The following ARHGAP24 variants were observed in gnomAD, a reference collection of about 807,000 sequenced individuals.
The protein encoded by ARHGAP24 is rho GTPase-activating protein 24.
In ARHGAP24, 50 loss-of-function variants were observed where a neutral mutation model predicts 76.4. The observed-to-expected ratio is 0.65, with a 90% CI of 0.52 to 0.83. ARHGAP24 has a LOEUF of 0.83. Among genes scored for constraint, ARHGAP24 ranks in the 40% least tolerant of loss-of-function variants. The pLI is 0.00. For missense variants in ARHGAP24, 930 were observed against 914.2 expected, an observed-to-expected ratio of 1.02 and a Z score of -0.22; for synonymous variants, 345 against 323.3, an observed-to-expected ratio of 1.07 and a Z score of -0.72.
rs114469683 is a variant in ARHGAP24 at position 85,496,129 on chromosome 4, G to C, written c.-21+20570G>C. On this transcript the variant is annotated intron_variant, in intron 1 of 9. Transcript: ENST00000395184. ...AAGTTCTGTTTTCTTTTATACAAAT[G>C]CCAACATTTTTGTAACTTCTTGGCT... Among the ~76,000 whole-genome samples, 1,375 of 152,280 alleles carry C rather than the reference G, an allele frequency of 9.0e-3. 15 individuals carry two copies. Among genetic ancestry groups the C allele is most frequent in the Non-Finnish European group, 0.015 (1,014 of 68,020 alleles).
chr4:85,997,358 GAT>G (rs1396204667), intron 9 of ARHGAP24, among the ~76,000 whole-genome samples: 1 of 130,858 alleles, frequency 7.6e-6, no homozygotes, highest in African/African-American at 4.3e-5. Flanking sequence ...ATAGATAATA[GAT>G]AGATGATAGA....
In ARHGAP24 at chr4:85,734,636, A is replaced by ATTTTTTT. The variant is rs34647342; in HGVS notation, c.268+12681_268+12687dup. Reference sequence around the variant, plus strand: ...GCAGGGGCATGACATAATTCAGGGAATTTTTTTTTTTTTTTTTTTTTTTAG... The same window carrying ATTTTTTT: ...GCAGGGGCATGACATAATTCAGGGAATTTTTTTTTTTTTTTTTTTTTTTTTTTTTTAG... On this transcript the variant is annotated intron_variant, in intron 3 of 9. Coordinates refer to ENST00000395184, the MANE Select transcript of ARHGAP24 (RefSeq NM_001025616.3). Among the ~76,000 whole-genome samples the ATTTTTTT allele has an allele frequency of 5.3e-4, 54 of 101,938 alleles. 2 individuals are homozygous for ATTTTTTT. The highest frequency in any genetic ancestry group is 7.6e-4 in the Non-Finnish European group (40 of 52,826). 66.9% of individuals were successfully genotyped at this position (101,938 alleles called of 152,430 possible).
chr4:85,808,684 G>T (rs1250123627), intron 3 of ARHGAP24, among the ~76,000 whole-genome samples: 1 of 152,202 alleles, frequency 6.6e-6, no homozygotes, highest in African/African-American at 2.4e-5. Context: ...ATTAAAGAAA[G>T]TTGGTCCTGG....
At chr4:85,774,696 T>C (rs903139104) in intron 3 of ARHGAP24, among the ~76,000 whole-genome samples, 1 of 152,210 alleles carries the variant, frequency 6.6e-6, no homozygotes, top group Non-Finnish European at 1.5e-5. Context: ...CTTATGTAGA[T>C]ACAACTACTT....
At chr4:85,716,474 A>G (rs907466270) in intron 2 of ARHGAP24, among the ~76,000 whole-genome samples, 1 of 152,144 alleles carries the variant, frequency 6.6e-6, no homozygotes, top group Non-Finnish European at 1.5e-5. Context: ...AATTATTGTC[A>G]TGAAATTATT....
intron 5 of ARHGAP24, among the ~76,000 whole-genome samples, chr4:85,962,132 C>A (rs1302459942): frequency 1.3e-5 from 2 of 152,014 alleles, no homozygotes; most frequent in Non-Finnish European, 2.9e-5. Flanking sequence ...AGCCCTAGGT[C>A]CGACTGAAGC....
chr4:85,993,294 A>C (rs973084349), intron 8 of ARHGAP24, among the ~76,000 whole-genome samples: 1 of 152,038 alleles, frequency 6.6e-6, no homozygotes, highest in Admixed American at 6.6e-5. Context: ...GCAAAATCTC[A>C]TGTCCCACCC....
At chr4:85,640,361 T>G (rs1721479036) in intron 2 of ARHGAP24, among the ~76,000 whole-genome samples, 1 of 152,178 alleles carries the variant, frequency 6.6e-6, no homozygotes, top group Non-Finnish European at 1.5e-5. Flanking sequence ...TCCCTTTGCC[T>G]CCTGACCAAC....
chr4:85,639,101 T>C (rs1254023392), intron 2 of ARHGAP24, among the ~76,000 whole-genome samples: 1 of 152,154 alleles, frequency 6.6e-6, no homozygotes, highest in East Asian at 1.9e-4. Flanking sequence ...TCTATTCTTG[T>C]TTCTTATTCC....
intron 1 of ARHGAP24, among the ~76,000 whole-genome samples, chr4:85,504,120 G>A (rs1335576243): frequency 6.6e-6 from 1 of 152,192 alleles, no homozygotes; most frequent in African/African-American, 2.4e-5. Flanking sequence ...ATTTGCTGAG[G>A]AGTGCTTTAC....
intron 2 of ARHGAP24, among the ~76,000 whole-genome samples, chr4:85,583,646 T>C (rs1445509830): frequency 6.7e-6 from 1 of 150,238 alleles, no homozygotes; most frequent in Non-Finnish European, 1.5e-5. Flanking sequence ...ACCATCAGAG[T>C]GAACAGGCAT....
chr4:85,803,460 C>T (rs965514941), intron 3 of ARHGAP24, among the ~76,000 whole-genome samples: 2 of 152,248 alleles, frequency 1.3e-5, no homozygotes, highest in Non-Finnish European at 2.9e-5. Context: ...GACAGCGTAA[C>T]ACTTTCATGC....
intron 2 of ARHGAP24, among the ~76,000 whole-genome samples, chr4:85,668,121 A>G (rs1722703456): frequency 1.3e-5 from 2 of 152,212 alleles, no homozygotes. Context: ...ATAGGCTGAA[A>G]AACAAGAAAC....
chr4:85,562,565 C>T (rs1209038293), intron 1 of ARHGAP24, among the ~76,000 whole-genome samples: 1 of 152,150 alleles, frequency 6.6e-6, no homozygotes, highest in Non-Finnish European at 1.5e-5. Context: ...AAATGTTTGT[C>T]CTTGACTCTT....
intron 3 of ARHGAP24, among the ~76,000 whole-genome samples, chr4:85,909,509 G>A (rs1734951305): frequency 6.6e-6 from 1 of 152,100 alleles, no homozygotes; most frequent in South Asian, 2.1e-4. Context: ...CTGTTGAATT[G>A]TCAATCTGTA....
intron 6 of ARHGAP24, among the ~76,000 whole-genome samples, chr4:85,973,795 G>T (rs531874096): frequency 1.5e-5 from 2 of 136,410 alleles, no homozygotes; most frequent in African/African-American, 2.8e-5. Context: ...TCCCCCATTA[G>T]ATTTTCTTGG....
chr4:85,731,526 T>C (rs974587830), intron 3 of ARHGAP24, among the ~76,000 whole-genome samples: 1 of 152,228 alleles, frequency 6.6e-6, no homozygotes, highest in Non-Finnish European at 1.5e-5. Context: ...GTTAGAGTTG[T>C]CTAGGTCTGA....
rs549458983 is a variant in ARHGAP24, at chr4:85,835,505, G to A, written c.269-88143G>A. On this transcript the variant is annotated intron_variant, in intron 3 of 9. Coordinates refer to ENST00000395184, the MANE Select transcript of ARHGAP24 (RefSeq NM_001025616.3). ...CGGGAGGCGGAGCTTGCAGTGGGCC[G>A]AGATCGCGCCACTGCACTCCAGCCT... Among the ~76,000 whole-genome samples the A allele has an allele frequency of 2.8e-5, 4 of 145,124 alleles. No individual in the cohort carries two copies. In the South Asian group the frequency reaches 6.7e-4, roughly 24 times the overall value.
intron 5 of ARHGAP24, among the ~76,000 whole-genome samples, chr4:85,943,967 A>G (rs1429157379): frequency 6.6e-6 from 1 of 152,118 alleles, no homozygotes; most frequent in African/African-American, 2.4e-5. Context: ...TCCTTTGGGT[A>G]TATACCCAGT....
Sources: gnomAD v4.1 joint callset for allele counts (sites outside exome capture counted in the v4.1 genomes callset) on GRCh38, gnomAD v4.1.1 for gene constraint, MANE v1.5 for transcripts, NCBI Gene and HGNC (gene_info 2026-07-23, HGNC 2026-07-21) for gene names.